Variants in CDH13 observed in about 807,000 individuals in gnomAD.
The protein encoded by CDH13 is cadherin 13, also known as cadherin-13.
A neutral mutation model predicts 63.8 loss-of-function variants in CDH13; 24 were observed. The observed-to-expected ratio is 0.38, with a 90% CI of 0.27 to 0.53. The LOEUF (loss-of-function observed/expected upper bound fraction) is 0.53, where lower values mean the gene tolerates loss of function less well. CDH13 is among the 20% of genes least tolerant of loss of function. CDH13 has a pLI of 0.85. For missense variants in CDH13, 1,049 were observed against 903.1 expected (o/e 1.16, Z -2.07); for synonymous variants, 503 against 355.3 (o/e 1.42, Z -4.67).
chr16:83,601,427 G>A (rs564067410), intron 7 of CDH13, among the ~76,000 whole-genome samples: 1 of 152,312 alleles, frequency 6.6e-6, no homozygotes, highest in South Asian at 2.1e-4. Context: ...CTTATGTGAA[G>A]AGAGAGAATA....
chr16:83,243,193 A>T (rs1475725194), intron 5 of CDH13, among the ~76,000 whole-genome samples: 2 of 152,138 alleles, frequency 1.3e-5, no homozygotes, highest in Non-Finnish European at 2.9e-5. Flanking sequence ...AGCTTCTCTC[A>T]TCTATGGCTG....
intron 2 of CDH13, chr16:82,954,503 G>A (rs1905762366): frequency 1.3e-5 from 2 of 152,064 alleles, no homozygotes; most frequent in South Asian, 2.1e-4. Context: ...GAGTCACAAA[G>A]CGCTTGTGAT....
At chr16:83,431,559 C>A (rs1418312063) in intron 6 of CDH13, among the ~76,000 whole-genome samples, 3 of 152,112 alleles carry the variant, frequency 2.0e-5, no homozygotes, top group African/African-American at 7.2e-5. Flanking sequence ...AATTGGGTCA[C>A]AGTTCTGCAG....
At chr16:82,643,223 A>C (rs186462047) in intron 1 of CDH13, among the ~76,000 whole-genome samples, 1 of 152,216 alleles carries the variant, frequency 6.6e-6, no homozygotes, top group Non-Finnish European at 1.5e-5. Context: ...CACATGTCTA[A>C]ATAAAACTGG....
At chr16:83,197,525 C>A (rs754822096) in intron 4 of CDH13, among the ~76,000 whole-genome samples, 1 of 152,100 alleles carries the variant, frequency 6.6e-6, no homozygotes, top group Non-Finnish European at 1.5e-5. Context: ...CCATTAAACA[C>A]CCCTTCGTCT....
intron 7 of CDH13, among the ~76,000 whole-genome samples, chr16:83,523,852 A>G (rs1219327625): frequency 3.9e-5 from 6 of 152,236 alleles, no homozygotes; most frequent in Admixed American, 1.3e-4. Flanking sequence ...TGCAGCTCCT[A>G]GAAGTATCCA....
intron 10 of CDH13, among the ~76,000 whole-genome samples, chr16:83,747,292 C>G (rs1912673115): frequency 6.6e-6 from 1 of 152,168 alleles, no homozygotes. Flanking sequence ...GTAATCGAAT[C>G]ATAGGGGCGG....
chr16:83,113,580 A>T (rs907094438), intron 3 of CDH13, among the ~76,000 whole-genome samples: 1 of 152,230 alleles, frequency 6.6e-6, no homozygotes, highest in African/African-American at 2.4e-5. Context: ...CTGACGACAC[A>T]GTGGCACTGA....
intron 2 of CDH13, among the ~76,000 whole-genome samples, chr16:82,917,319 C>G (rs1196338838): frequency 6.6e-6 from 1 of 151,978 alleles, no homozygotes; most frequent in Non-Finnish European, 1.5e-5. Flanking sequence ...GGAAGGTGCC[C>G]TAGTTTTGGG....
chr16:83,246,220 A>C (rs1216656135), intron 5 of CDH13, among the ~76,000 whole-genome samples: 1 of 152,250 alleles, frequency 6.6e-6, no homozygotes. Context: ...GATTTCCACT[A>C]ACTTTTCCAA....
chr16:83,228,287 C>T (rs1444865550), intron 5 of CDH13, among the ~76,000 whole-genome samples: 2 of 152,226 alleles, frequency 1.3e-5, no homozygotes, highest in African/African-American at 2.4e-5. Context: ...GTGCACAGGA[C>T]AGTCCCCACA....
At chr16:82,991,682 G>A (rs555722889) in intron 2 of CDH13, among the ~76,000 whole-genome samples, 6 of 152,268 alleles carry the variant, frequency 3.9e-5, no homozygotes, top group African/African-American at 1.2e-4. Context: ...TCAAGCAACC[G>A]CTGATGTGAA....
rs116862391 is a variant in CDH13 at position 83,417,562 on chromosome 16, A to G, written c.782-68915A>G. 3.2e-4 allele frequency among the ~76,000 whole-genome samples: 48 copies of G among 152,282 alleles called. 1 individual carries two copies. The East Asian group carries it at 8.1e-3, about 26-fold the overall frequency. On this transcript the variant is annotated intron_variant, in intron 6 of 13. Transcript: ENST00000567109. The stretch of plus-strand genomic sequence containing the variant: ...GTTGCCATTTGGAAACGAAAATAGA[A>G]TTTTCAGCTTGATAACATTAAGGCA...
rs562259310 is a variant in CDH13 at position 83,084,012 on chromosome 16, G to C, written c.367-41373G>C. ...GCAATGAGTTTAGAAAGCTGCTGTG[G>C]ACCTATCATAATTTTTACTACACTT... On this transcript the variant is annotated intron_variant, in intron 3 of 13. Coordinates refer to ENST00000567109, the MANE Select transcript of CDH13 (RefSeq NM_001257.5). Among the ~76,000 whole-genome samples the C allele has an allele frequency of 7.8e-4, 119 of 152,256 alleles. 1 individual carries two copies. Among genetic ancestry groups the C allele is most frequent in the African/African-American group, 2.8e-3 (115 of 41,536 alleles).
chr16:83,467,705 G>A (rs918769443), intron 6 of CDH13, among the ~76,000 whole-genome samples: 1 of 152,130 alleles, frequency 6.6e-6, no homozygotes, highest in Non-Finnish European at 1.5e-5. Context: ...GTTCCTGGCT[G>A]CAGAACACAG....
intron 3 of CDH13, among the ~76,000 whole-genome samples, chr16:83,106,817 A>T (rs2151613151): frequency 6.6e-6 from 1 of 152,346 alleles, no homozygotes; most frequent in East Asian, 1.9e-4. Flanking sequence ...CTGATACAGG[A>T]TGGTAAATAA....
chr16:82,955,805 G>T (rs960812684), intron 2 of CDH13, among the ~76,000 whole-genome samples: 5 of 152,200 alleles, frequency 3.3e-5, no homozygotes, highest in Non-Finnish European at 4.4e-5. Context: ...GGCAAGCTCT[G>T]CTCTAAAATG....
At chr16:82,996,908 G>C (rs974981975) in intron 2 of CDH13, among the ~76,000 whole-genome samples, 2 of 151,922 alleles carry the variant, frequency 1.3e-5, no homozygotes, top group Admixed American at 1.3e-4. Flanking sequence ...CGGTGATGGT[G>C]ATGTTGATTA....
intron 1 of CDH13, among the ~76,000 whole-genome samples, chr16:82,653,353 T>C (rs554451714): frequency 6.6e-6 from 1 of 152,236 alleles, no homozygotes; most frequent in South Asian, 2.1e-4. Flanking sequence ...TAAATAAAAG[T>C]ATGCTCAGCC....
Sources: gnomAD v4.1 joint callset for allele counts (sites outside exome capture counted in the v4.1 genomes callset) on GRCh38, gnomAD v4.1.1 for gene constraint, MANE v1.5 for transcripts, NCBI Gene and HGNC (gene_info 2026-07-23, HGNC 2026-07-21) for gene names.